The following CASP6 variants were observed in gnomAD, a reference collection of about 807,000 sequenced individuals.
CASP6 encodes caspase-6.
A neutral mutation model predicts 31.8 loss-of-function variants in CASP6; 20 were observed. The ratio of observed to expected loss-of-function variants is 0.63; its 90% CI spans 0.44 to 0.91. The LOEUF (loss-of-function observed/expected upper bound fraction) is 0.91, where lower values mean the gene tolerates loss of function less well. CASP6 is among the 40% of genes least tolerant of loss of function. The pLI, the probability that CASP6 is intolerant of heterozygous loss-of-function variation, is 0.00. For synonymous variants in CASP6, 130 were observed against 127.8 expected (o/e 1.02, Z -0.12); for missense variants, 328 against 361.1 (o/e 0.91, Z 0.74).
upstream of CASP6, among the ~76,000 whole-genome samples, chr4:109,705,551 A>C (rs1285258360): frequency 1.3e-5 from 2 of 152,220 alleles, no homozygotes; most frequent in African/African-American, 4.8e-5. Context: ...GAGCAAAGTA[A>C]ATTGAAAATC....
the CASP6 span, chr4:109,682,556 C>T: frequency 6.3e-7 from 1 of 1,579,270 alleles, no homozygotes. Context: ...TGGTGACTGG[C>T]TTGTTTCCCT....
At chr4:109,689,773 T>G (rs1307536151) in intron 6 of CASP6, among the ~76,000 whole-genome samples, 2 of 152,178 alleles carry the variant, frequency 1.3e-5, no homozygotes, top group Non-Finnish European at 2.9e-5. Context: ...ATACACGGGG[T>G]TAATTCTGTA....
intron 4 of CASP6, among the ~76,000 whole-genome samples, chr4:109,695,054 T>C (rs532368011): frequency 7.8e-4 from 119 of 152,242 alleles, no homozygotes; most frequent in Non-Finnish European, 1.4e-3. Flanking sequence ...AGTCTCGAAC[T>C]CCTGACCTCA....
chr4:109,676,490 C>T, the CASP6 span, among the ~76,000 whole-genome samples: 2 of 152,142 alleles, frequency 1.3e-5, no homozygotes, highest in Non-Finnish European at 2.9e-5. Context: ...TTGCAAAGAA[C>T]TTCTGAGCCC....
chr4:109,668,826 C>T, the CASP6 span, among the ~76,000 whole-genome samples: 2 of 151,642 alleles, frequency 1.3e-5, no homozygotes, highest in African/African-American at 4.8e-5. Context: ...TTAGCGGTTG[C>T]CTAAGAGTTT....
the CASP6 span, among the ~76,000 whole-genome samples, chr4:109,679,787 T>TTTG: frequency 3.9e-3 from 593 of 151,664 alleles, 4 homozygotes; most frequent in East Asian, 7.5e-3. Context: ...GAGGTATAAT[T>TTTG]TTGTTGTTGT....
At chr4:109,708,893 C>T in the CASP6 span, among the ~76,000 whole-genome samples, 1 of 152,192 alleles carries the variant, frequency 6.6e-6, no homozygotes, top group Non-Finnish European at 1.5e-5. Context: ...AAAGCAACAG[C>T]TAGCCACAAT....
intron 1 of CASP6, among the ~76,000 whole-genome samples, chr4:109,700,177 T>G: frequency 6.6e-6 from 1 of 152,222 alleles, no homozygotes; most frequent in East Asian, 1.9e-4. Context: ...TATTCTTGCT[T>G]GGGTCTTTAA....
chr4:109,674,533 G>A, the CASP6 span, among the ~76,000 whole-genome samples: 429 of 152,338 alleles, frequency 2.8e-3, 2 homozygotes, highest in Non-Finnish European at 4.6e-3. Context: ...TTGTCTGCGT[G>A]TTTTGTGGAC....
the CASP6 span, chr4:109,681,536 C>A: frequency 4.6e-6 from 2 of 430,126 alleles, no homozygotes; most frequent in Non-Finnish European, 9.3e-6. Context: ...GGGTTCTTGG[C>A]CTCACGGATT....
downstream of CASP6, chr4:109,685,028 T>G: frequency 2.4e-6 from 1 of 415,884 alleles, no homozygotes; most frequent in Non-Finnish European, 4.2e-6. Flanking sequence ...CCATTATGTG[T>G]AATTTCTCTT....
chr4:109,684,187 T>G (rs1199753175), downstream of CASP6, among the ~76,000 whole-genome samples: 1 of 151,650 alleles, frequency 6.6e-6, no homozygotes, highest in Admixed American at 6.6e-5. Context: ...CTCAGCCTCC[T>G]GAGTATCTGG....
Position 109,701,463 on chromosome 4 carries a change from C to T in CASP6, c.40+1893G>A, listed in dbSNP as rs1730418757. Reference sequence around the variant, plus strand: ...TTTTTTTTTGAGACAGAGCCTCCCTCTGTCGCCCAGGCTGCAGTGCAGTGG... The same window carrying T: ...TTTTTTTTTGAGACAGAGCCTCCCTTTGTCGCCCAGGCTGCAGTGCAGTGG... On this transcript the variant is annotated intron_variant, in intron 1 of 6. Coordinates refer to ENST00000265164, the MANE Select transcript of CASP6 (RefSeq NM_001226.4). 1.3e-5 allele frequency among the ~76,000 whole-genome samples: 2 copies of T among 151,818 alleles called. 1 individual carries two copies. The highest frequency in any genetic ancestry group is 4.2e-4 in the South Asian group (2 of 4,806).
intron 3 of CASP6, among the ~76,000 whole-genome samples, chr4:109,697,082 G>C (rs984303225): frequency 6.6e-6 from 1 of 151,224 alleles, no homozygotes; most frequent in Non-Finnish European, 1.5e-5. Flanking sequence ...CACCATGCCC[G>C]GCCAACTCAG....
intron 1 of CASP6, among the ~76,000 whole-genome samples, chr4:109,701,019 C>T (rs1190440679): frequency 1.3e-5 from 2 of 152,084 alleles, no homozygotes; most frequent in African/African-American, 2.4e-5. Context: ...AGTGCAGTGG[C>T]GTGGTCTCGG....
chr4:109,698,339 C>A lies in CASP6; in HGVS notation c.44G>T (p.Gly15Val). 6.2e-7 allele frequency: 1 copy of A among 1,609,802 alleles called. No individual in the cohort carries two copies. Among genetic ancestry groups the A allele is most frequent in the African/African-American group, 1.3e-5 (1 of 74,682 alleles). The change falls in exon 2 of 7, where the codon GGG (glycine) becomes GTG (valine). Residue 15 changes from glycine to valine, a missense_variant. Transcript: ENST00000265164. Reference protein sequence around the residue: ...SGLRRGHPAGGEENMTETDAF... With the variant: ...SGLRRGHPAGVEENMTETDAF... The stretch of plus-strand genomic sequence containing the variant: ...ATCTGTTTCTGTCATGTTTTCTTCC[C>A]CACCTATTAAAAAAAGTTGATTTTT...
At chr4:109,695,611 C>T (rs905545467) in intron 4 of CASP6, among the ~76,000 whole-genome samples, 1 of 151,938 alleles carries the variant, frequency 6.6e-6, no homozygotes, top group East Asian at 1.9e-4. Context: ...CAAAAATTAG[C>T]TGGGCATGGG....
chr4:109,675,096 G>T, the CASP6 span, among the ~76,000 whole-genome samples: 25 of 151,890 alleles, frequency 1.6e-4, no homozygotes, highest in African/African-American at 6.0e-4. Flanking sequence ...ATGTCAAAAA[G>T]AAAAAAAAGA....
chr4:109,692,125 A>G (rs1162149860), intron 5 of CASP6: 1 of 152,236 alleles, frequency 6.6e-6, no homozygotes, highest in African/African-American at 2.4e-5. Context: ...ATGATTTCAA[A>G]TCATAAAATA....
Sources: allele counts gnomAD v4.1 joint callset (sites outside exome capture counted in the v4.1 genomes callset), GRCh38; gene constraint gnomAD v4.1.1; transcripts MANE v1.5; gene names NCBI Gene and HGNC (gene_info 2026-07-23, HGNC 2026-07-21).